The following EVC variants were observed in gnomAD, a reference collection of about 807,000 sequenced individuals.
The protein encoded by EVC is EvC ciliary complex subunit 1, also known as evC complex member EVC.
In EVC, 116 loss-of-function variants were observed where a neutral mutation model predicts 118.9. The ratio of observed to expected loss-of-function variants is 0.98; its 90% CI spans 0.84 to 1.14. The LOEUF is 1.14. Ranked by LOEUF, EVC falls within the 50% of genes most tolerant of loss-of-function variation. The probability of loss-of-function intolerance (pLI) is 0.00; values close to 1 mark genes in which losing one functional copy is unlikely to be tolerated. For missense variants in EVC, 1,401 were observed against 1,246.4 expected, an observed-to-expected ratio of 1.12 and a Z score of -1.87; for synonymous variants, 619 against 534.7, an observed-to-expected ratio of 1.16 and a Z score of -2.18.
rs1724522180 is a variant in EVC at position 5,719,270 on chromosome 4, T to TC, written c.198dup (p.Lys67GlnfsTer6). On this transcript the variant is annotated frameshift_variant, in exon 2 of 21. Coordinates refer to ENST00000264956, the MANE Select transcript of EVC (RefSeq NM_153717.3). LOFTEE classifies it high-confidence loss of function. The surrounding 1 kb of genome is among the most constrained non-coding windows in gnomAD (Gnocchi z 4.7). The stretch of plus-strand genomic sequence containing the variant: ...TAGAAAGACGACACTCAAAATCTGC[T>TC]CAAGAATTTGGAGTCTAATGCGCAG... 6.2e-7 allele frequency: 1 copy of TC among 1,613,898 alleles called. No homozygotes were observed. Among genetic ancestry groups the TC allele is most frequent in the African/African-American group, 1.3e-5 (1 of 74,874 alleles).
At chr4:5,740,100 A>G (rs1404253964) in intron 5 of EVC, among the ~76,000 whole-genome samples, 2 of 152,182 alleles carry the variant, frequency 1.3e-5, no homozygotes, top group Non-Finnish European at 2.9e-5. Flanking sequence ...ACCTCAACCT[A>G]AACTTCACAC....
intron 11 of EVC, among the ~76,000 whole-genome samples, chr4:5,765,591 A>G (rs552263169): frequency 7.6e-6 from 1 of 130,736 alleles, no homozygotes; most frequent in African/African-American, 3.0e-5. Context: ...GTGCTCCTGT[A>G]TTGGGCGCAT....
intron 11 of EVC, among the ~76,000 whole-genome samples, chr4:5,779,501 T>C (rs1018034682): frequency 3.3e-5 from 5 of 149,422 alleles, no homozygotes; most frequent in African/African-American, 7.6e-5. Context: ...TTTGTTTGTA[T>C]CCTCTTTTAT....
chr4:5,800,976 C>CT (rs1714863014), intron 15 of EVC, among the ~76,000 whole-genome samples: 2 of 152,200 alleles, frequency 1.3e-5, no homozygotes, highest in Admixed American at 6.5e-5. Flanking sequence ...TGGGGATGAG[C>CT]TTTTCTGGCT....
chr4:5,824,446 A>G, the EVC span: 5 of 985,362 alleles, frequency 5.1e-6, no homozygotes, highest in Non-Finnish European at 4.8e-6. Context: ...AATGGATAAG[A>G]GGTTCTGCCA....
At position 5,748,086 on chromosome 4, in the gene EVC, C is replaced by T. The variant is rs566183129; in HGVS notation, c.940-62C>T. ...GTGAATTGTAATTCCCGAGCACGCA[C>T]CGTTTGGCTTTCTTAAGTAAGTTTT... On this transcript the variant is annotated intron_variant, in intron 7 of 20. Coordinates refer to ENST00000264956, the MANE Select transcript of EVC (RefSeq NM_153717.3). 5 of 1,538,770 alleles carry T rather than the reference C, an allele frequency of 3.2e-6. No homozygotes were observed. The African/African-American group carries it at 6.2e-5, about 19-fold the overall frequency.
In EVC at chr4:5,804,737, G is replaced by A. The variant is rs1243308266; in HGVS notation, c.2457G>A (p.Arg819=). 10 of 1,614,008 alleles carry A rather than the reference G, an allele frequency of 6.2e-6. No individual in the cohort carries two copies. Among genetic ancestry groups the A allele is most frequent in the African/African-American group, 4.0e-5 (3 of 74,924 alleles). ...CTGTGTTAAATGGTCTAGGTGAGAG[G>A]ATGGAAAATTACAAACTGCGGAAAA... is the stretch of plus-strand genomic sequence containing the variant. The part of the protein sequence containing the change: ...LQHLKTLQGE[R]MENYKLRKKQ... The change falls in exon 17 of 21, where the codon AGG becomes AGA. Residue 819 remains arginine, a synonymous_variant. Coordinates refer to ENST00000264956, the MANE Select transcript of EVC (RefSeq NM_153717.3).
At chr4:5,823,926 TATG>T in the EVC span, among the ~76,000 whole-genome samples, 1 of 152,212 alleles carries the variant, frequency 6.6e-6, no homozygotes, top group Non-Finnish European at 1.5e-5. Context: ...GTGAGGTTGT[TATG>T]ATGTTGGAAA....
chr4:5,752,422 A>G (rs1433459262), intron 8 of EVC, among the ~76,000 whole-genome samples: 2 of 152,058 alleles, frequency 1.3e-5, no homozygotes, highest in East Asian at 1.9e-4. Flanking sequence ...GGCTCTAACA[A>G]AAGCCAGGAA....
At chr4:5,728,534 C>T (rs993640179) in intron 2 of EVC, among the ~76,000 whole-genome samples, 1 of 152,192 alleles carries the variant, frequency 6.6e-6, no homozygotes, top group African/African-American at 2.4e-5. Flanking sequence ...GACAATTTGA[C>T]TTCCTCTTTT....
chr4:5,726,962 A>G (rs916980604), intron 2 of EVC, among the ~76,000 whole-genome samples: 9 of 152,130 alleles, frequency 5.9e-5, no homozygotes, highest in African/African-American at 2.2e-4. Flanking sequence ...TTCTTAATCC[A>G]GTCTATCATT....
At chr4:5,778,924 G>C (rs941766990) in intron 11 of EVC, among the ~76,000 whole-genome samples, 2 of 147,048 alleles carry the variant, frequency 1.4e-5, no homozygotes, top group Non-Finnish European at 3.0e-5. Context: ...ACATGCCTAT[G>C]TCCTGAATGG....
rs1489119395 is a variant in EVC at position 5,726,512 on chromosome 4, C to T, written c.301-2795C>T. ...GAGGTGATTCCTGAGCAGGATTTGA[C>T]AGTGGTGTGTTGTGCCACTATGCAA... On this transcript the variant is annotated intron_variant, in intron 2 of 20. Transcript: ENST00000264956. 2.7e-5 allele frequency among the ~76,000 whole-genome samples: 4 copies of T among 150,580 alleles called. No homozygotes were observed. The East Asian group carries it at 7.8e-4, about 29-fold the overall frequency.
intron 16 of EVC, among the ~76,000 whole-genome samples, chr4:5,802,698 G>A (rs1326049129): frequency 6.6e-6 from 1 of 151,936 alleles, no homozygotes; most frequent in African/African-American, 2.4e-5. Context: ...GTTTGAAATA[G>A]GGTTCACGCT....
At chr4:5,796,322 C>T (rs1053439333) in intron 13 of EVC, among the ~76,000 whole-genome samples, 2 of 151,966 alleles carry the variant, frequency 1.3e-5, no homozygotes, top group Non-Finnish European at 1.5e-5. Flanking sequence ...AGTTAATTCT[C>T]GTCTGGGTAT....
downstream of EVC, among the ~76,000 whole-genome samples, chr4:5,816,535 G>A (rs1023926240): frequency 1.3e-5 from 2 of 151,996 alleles, no homozygotes; most frequent in African/African-American, 4.8e-5. Flanking sequence ...CAGCACCAGA[G>A]TCTTGCCTCC....
the EVC span, among the ~76,000 whole-genome samples, chr4:5,823,793 G>A: frequency 6.7e-6 from 1 of 150,330 alleles, no homozygotes; most frequent in Non-Finnish European, 1.5e-5. Flanking sequence ...CGTGAGCCAA[G>A]TAAACCTCTT....
chr4:5,809,931 A>C lies in EVC; in HGVS notation c.2782+320A>C, dbSNP rs147865119. On this transcript the variant is annotated intron_variant, in intron 19 of 20. Coordinates refer to ENST00000264956, the MANE Select transcript of EVC (RefSeq NM_153717.3). ...CCAGCGACAACTTCAGTGACATCACAGGATTTTTTAACCTGGTAATGAGAG... is the reference window on the plus strand; with the variant it reads ...CCAGCGACAACTTCAGTGACATCACCGGATTTTTTAACCTGGTAATGAGAG... Among the ~76,000 whole-genome samples the C allele has an allele frequency of 2.4e-4, 37 of 152,340 alleles. No homozygotes were observed. The East Asian group carries it at 7.0e-3, about 29-fold the overall frequency.
chr4:5,823,921 G>A, the EVC span, among the ~76,000 whole-genome samples: 2 of 152,204 alleles, frequency 1.3e-5, no homozygotes, highest in Non-Finnish European at 2.9e-5. Flanking sequence ...CATCTGTGAG[G>A]TTGTTATGAT....
Sources: gnomAD v4.1 joint callset for allele counts (sites outside exome capture counted in the v4.1 genomes callset) on GRCh38, gnomAD v4.1.1 for gene constraint, Gnocchi (gnomAD v3.1) non-coding constraint, MANE v1.5 for transcripts, NCBI Gene and HGNC (gene_info 2026-07-23, HGNC 2026-07-21) for gene names.